Variants in TG observed in about 807,000 individuals in gnomAD.
The protein encoded by TG is thyroid hormones.
Under a neutral mutation model 324.7 loss-of-function variants are expected in TG, and 270 were observed. The ratio of observed to expected loss-of-function variants is 0.83; its 90% CI spans 0.75 to 0.92. The LOEUF (loss-of-function observed/expected upper bound fraction) is 0.92. Among genes scored for constraint, TG ranks in the 40% least tolerant of loss-of-function variants. The pLI, the probability that TG is intolerant of heterozygous loss-of-function variation, is 0.00. For synonymous variants in TG, 1,401 were observed against 1,327.0 expected (o/e 1.06, Z -1.21); for missense variants, 3,591 against 3,456.4 (o/e 1.04, Z -0.98).
chr8:133,024,692 A>G (rs1835913099), intron 40 of TG, among the ~76,000 whole-genome samples: 2 of 152,018 alleles, frequency 1.3e-5, no homozygotes, highest in African/African-American at 4.8e-5. Context: ...TAGTTTGCTG[A>G]GAATGATGGC....
At chr8:133,094,037 C>T (rs1341614997) in intron 41 of TG, among the ~76,000 whole-genome samples, 1 of 152,098 alleles carries the variant, frequency 6.6e-6, no homozygotes, top group Admixed American at 6.5e-5. Flanking sequence ...TTACCCATGA[C>T]TCTTCAGTGG....
intron 12 of TG, 108 bp from the exon 13 acceptor site, chr8:132,898,061 C>T (rs1279739754): frequency 1.7e-5 from 20 of 1,147,282 alleles, no homozygotes; most frequent in Middle Eastern, 2.5e-4. Flanking sequence ...GGACAGAAGG[C>T]GACCAGGCTT....
chr8:132,923,149 G>C (rs1446555048), intron 21 of TG, among the ~76,000 whole-genome samples, 189 bp from the exon 22 acceptor site: 1 of 152,154 alleles, frequency 6.6e-6, no homozygotes, highest in Non-Finnish European at 1.5e-5. Flanking sequence ...GCAGAACTTA[G>C]GGTGGGTGGC....
chr8:133,059,281 C>T lies in TG; in HGVS notation c.7239+29258C>T, dbSNP rs969907420. 7.8e-5 allele frequency: 29 copies of T among 373,626 alleles called. 2 individuals are homozygous for T. The highest frequency in any genetic ancestry group is 4.7e-4 in the Middle Eastern group (1 of 2,148). The allele number at this position is 373,626 out of a possible 1,614,324, so 23.1% of individuals were successfully genotyped here. A position where few individuals can be genotyped will look rare whatever the true frequency, so the allele number is the denominator to read the frequency against. On this transcript the variant is annotated intron_variant, in intron 41 of 47. Transcript: ENST00000220616. The stretch of plus-strand genomic sequence containing the variant: ...CAAGGTGCCCCCTGGCTTCCCTAAC[C>T]GTCCCTTTCCCAAGACCCCACAATA...
intron 42 of TG, 146 bp downstream of exon 42, chr8:133,095,354 G>A: frequency 1.8e-6 from 2 of 1,138,880 alleles, no homozygotes; most frequent in Non-Finnish European, 2.6e-6. Flanking sequence ...ACATTCCCTA[G>A]CCCCTAGAGC....
chr8:133,020,039 C>T (rs1835417461), intron 39 of TG, among the ~76,000 whole-genome samples: 1 of 152,078 alleles, frequency 6.6e-6, no homozygotes, highest in African/African-American at 2.4e-5. Flanking sequence ...ATTGATAAAT[C>T]GATTAGTCAA....
intron 41 of TG, chr8:133,044,858 A>T (rs1839009444): frequency 1.1e-6 from 1 of 887,046 alleles, no homozygotes; most frequent in East Asian, 2.4e-5. Context: ...TTAACGAGAG[A>T]GCATATCATG....
intron 28 of TG, 117 bp from the exon 29 acceptor site, chr8:132,962,877 T>G (rs536508602): frequency 1.9e-5 from 17 of 903,020 alleles, no homozygotes; most frequent in Non-Finnish European, 3.0e-5. Context: ...GCAGATCTTC[T>G]CTAAGTCACC....
intron 27 of TG, among the ~76,000 whole-genome samples, chr8:132,959,275 A>G (rs1386124995): frequency 6.6e-6 from 1 of 152,224 alleles, no homozygotes; most frequent in Non-Finnish European, 1.5e-5. Flanking sequence ...GCCATGTCAG[A>G]TGGACAGAAT....
intron 45 of TG, among the ~76,000 whole-genome samples, chr8:133,130,974 G>A (rs1462670048): frequency 2.0e-5 from 3 of 152,174 alleles, no homozygotes; most frequent in East Asian, 1.9e-4. Context: ...CTTCTCTGTC[G>A]CCACCGCAGA....
At chr8:133,077,308 A>G (rs1442071834) in intron 41 of TG, among the ~76,000 whole-genome samples, 2 of 152,180 alleles carry the variant, frequency 1.3e-5, no homozygotes, top group South Asian at 2.1e-4. Flanking sequence ...TCCCGTTCAC[A>G]GGAGAAGCTA....
rs139966752 is a variant in TG at position 132,925,516 on chromosome 8, CGTGT to C, written c.4699+2041_4699+2044del. On this transcript the variant is annotated intron_variant, in intron 22 of 47. Transcript: ENST00000220616. Reference sequence around the variant, plus strand: ...AAGTGCTAACAAGTCCTAAGGAGTGCGTGTGTGTGTGTGTGTGTGTGTGTGTGTG... The same window carrying C: ...AAGTGCTAACAAGTCCTAAGGAGTGCGTGTGTGTGTGTGTGTGTGTGTGTG... Among the ~76,000 whole-genome samples the C allele has an allele frequency of 1.6e-3, 230 of 144,816 alleles. 1 individual carries two copies. The highest frequency in any genetic ancestry group is 6.5e-3 in the South Asian group (29 of 4,474).
chr8:132,979,665 C>G (rs1435813716), intron 34 of TG, among the ~76,000 whole-genome samples: 1 of 152,178 alleles, frequency 6.6e-6, no homozygotes, highest in Non-Finnish European at 1.5e-5. Flanking sequence ...TTACCCCATG[C>G]AGTGCTGTGC....
At chr8:132,884,298 T>C (rs1309395805) in intron 8 of TG, among the ~76,000 whole-genome samples, 1 of 152,190 alleles carries the variant, frequency 6.6e-6, no homozygotes, top group African/African-American at 2.4e-5. Flanking sequence ...GTGAGAACTC[T>C]TATTAGGCAT....
At position 132,969,453 on chromosome 8, in the gene TG, T is replaced by A; in HGVS notation, c.5864-5T>A. ...GTAATGTATTTTCTTTCTTCCTCTATGAAGTTATACTGGAAGATAAAGTGA... is the reference window on the plus strand; with the variant it reads ...GTAATGTATTTTCTTTCTTCCTCTAAGAAGTTATACTGGAAGATAAAGTGA... On this transcript the variant is annotated splice_polypyrimidine_tract_variant and splice_region_variant and intron_variant, in intron 31 of 47. Transcript: ENST00000220616. 1 of 1,598,502 alleles carries A rather than the reference T, an allele frequency of 6.3e-7. No homozygotes were observed.
At position 132,958,756 on chromosome 8, in the gene TG, A is replaced by G. The variant is rs191738589; in HGVS notation, c.5402-2252A>G. Among the ~76,000 whole-genome samples the G allele has an allele frequency of 4.1e-4, 62 of 152,334 alleles. No individual in the cohort carries two copies. The East Asian group carries it at 9.3e-3, about 23-fold the overall frequency. On this transcript the variant is annotated intron_variant, in intron 27 of 47. Transcript: ENST00000220616. Reference sequence around the variant, plus strand: ...AAATTATCTGATTTCCCTTGTGACAAAGTCTAAAACCCCATAGCCTGAGCT... The same window carrying G: ...AAATTATCTGATTTCCCTTGTGACAGAGTCTAAAACCCCATAGCCTGAGCT...
At chr8:132,870,395 C>T (rs763724500) in intron 3 of TG, among the ~76,000 whole-genome samples, 3 of 147,044 alleles carry the variant, frequency 2.0e-5, no homozygotes, top group Admixed American at 6.9e-5. Flanking sequence ...CATGGGGGCA[C>T]GCTGGCCCCA....
intron 40 of TG, 111 bp downstream of exon 40, chr8:133,022,261 C>A: frequency 6.8e-7 from 1 of 1,463,146 alleles, no homozygotes; most frequent in Non-Finnish European, 9.6e-7. Context: ...CCAAGCTAGG[C>A]ACACAGTGGA....
At chr8:133,042,487 C>G (rs1838447579) in intron 41 of TG, among the ~76,000 whole-genome samples, 2 of 148,490 alleles carry the variant, frequency 1.3e-5, no homozygotes, top group African/African-American at 4.9e-5. Context: ...TCACATGCAT[C>G]TTTTTTTTTT....
Sources: gnomAD v4.1 joint callset for allele counts (sites outside exome capture counted in the v4.1 genomes callset) on GRCh38, gnomAD v4.1.1 for gene constraint, MANE v1.5 for transcripts, NCBI Gene and HGNC (gene_info 2026-07-23, HGNC 2026-07-21) for gene names.